ANKRD13C: variants seen among roughly 807,000 people sequenced by gnomAD.
ANKRD13C encodes the protein ankyrin repeat domain-containing protein 13C.
ANKRD13C carries 16 observed loss-of-function variants against 65.5 expected under a neutral mutation model. The ratio of observed to expected loss-of-function variants is 0.24; its 90% CI spans 0.17 to 0.37. ANKRD13C has a LOEUF of 0.37. Ranked by LOEUF, ANKRD13C falls within the 10% of genes least tolerant of loss-of-function variation. The pLI, the probability that ANKRD13C is intolerant of heterozygous loss-of-function variation, is 1.00. For synonymous variants in ANKRD13C, 235 were observed against 238.7 expected (o/e 0.98, Z 0.14); for missense variants, 503 against 655.9 (o/e 0.77, Z 2.55).
intron 9 of ANKRD13C, among the ~76,000 whole-genome samples, chr1:70,291,103 G>C (rs978345734): frequency 2.0e-5 from 3 of 151,760 alleles, no homozygotes; most frequent in Admixed American, 2.0e-4. Flanking sequence ...CGCAATCTCA[G>C]CTCCACAACC....
In ANKRD13C at chr1:70,259,352, T is replaced by C. The variant is rs937126605; in HGVS notation, c.*3365A>G. On this transcript the variant is annotated 3_prime_UTR_variant, in exon 13 of 13. Coordinates refer to ENST00000370944, the MANE Select transcript of ANKRD13C (RefSeq NM_030816.5). Reference sequence around the variant, plus strand: ...TAACAAGCACCTTTCTTAGAAGTTCTTAAGATTTTGCTTCAATATTTTTCA... The same window carrying C: ...TAACAAGCACCTTTCTTAGAAGTTCCTAAGATTTTGCTTCAATATTTTTCA... Among the ~76,000 whole-genome samples the C allele has an allele frequency of 2.0e-5, 3 of 152,220 alleles. No homozygotes were observed. Among genetic ancestry groups the C allele is most frequent in the Admixed American group, 1.3e-4 (2 of 15,278 alleles).
intron 3 of ANKRD13C, among the ~76,000 whole-genome samples, chr1:70,319,383 A>G (rs1171337827): frequency 1.3e-5 from 2 of 152,082 alleles, no homozygotes; most frequent in African/African-American, 4.8e-5. Context: ...AGCCGGGTGG[A>G]TTGCCTGAGG....
intron 3 of ANKRD13C, among the ~76,000 whole-genome samples, chr1:70,317,149 C>T (rs745735224): frequency 2.0e-5 from 3 of 151,906 alleles, no homozygotes; most frequent in African/African-American, 4.8e-5. Context: ...TTTTTAACCA[C>T]AGGTCTAACT....
intron 12 of ANKRD13C, among the ~76,000 whole-genome samples, 172 bp from the exon 13 acceptor site, chr1:70,263,019 G>GT (rs1169740717): frequency 8.6e-5 from 13 of 151,448 alleles, no homozygotes; most frequent in African/African-American, 3.2e-4. Flanking sequence ...TTCAGGGAGA[G>GT]TTCTGGGTAT....
intron 1 of ANKRD13C, among the ~76,000 whole-genome samples, chr1:70,343,463 C>T (rs1459658961): frequency 1.3e-5 from 2 of 152,206 alleles, no homozygotes; most frequent in Non-Finnish European, 1.5e-5. Context: ...TGAAATTGAA[C>T]ACCTTCATTC....
chr1:70,281,173 C>T lies in ANKRD13C; in HGVS notation c.1216-4329G>A, dbSNP rs72929244. 6.3e-3 allele frequency among the ~76,000 whole-genome samples: 956 copies of T among 152,020 alleles called. 8 individuals are homozygous for T. The highest frequency in any genetic ancestry group is 0.022 in the African/African-American group (892 of 41,446). On this transcript the variant is annotated intron_variant, in intron 9 of 12. Coordinates refer to ENST00000370944, the MANE Select transcript of ANKRD13C (RefSeq NM_030816.5). ...AAGCACTATAGATGTGGTGATATGA[C>T]GGAAGAATAGAGTTAAAGGTATATA...
In ANKRD13C at chr1:70,342,984, A is replaced by G. The variant is rs1682380756; in HGVS notation, c.431-6885T>C. Among the ~76,000 whole-genome samples the G allele has an allele frequency of 2.6e-5, 4 of 152,168 alleles. No individual in the cohort carries two copies. In the South Asian group the frequency reaches 6.2e-4, roughly 24 times the overall value. ...GAAGTCAAGGTGGCCGTGCTCCTGG[A>G]TAATTATCCTTTGTTTTCTTAACCC... On this transcript the variant is annotated intron_variant, in intron 1 of 12. Coordinates refer to ENST00000370944, the MANE Select transcript of ANKRD13C (RefSeq NM_030816.5).
intron 3 of ANKRD13C, among the ~76,000 whole-genome samples, chr1:70,317,612 A>G (rs542822597): frequency 2.0e-5 from 3 of 152,320 alleles, no homozygotes; most frequent in Admixed American, 6.5e-5. Flanking sequence ...CTGAGAATCA[A>G]TGACTTAGAT....
chr1:70,316,649 CT>C (rs1466849029), intron 3 of ANKRD13C, among the ~76,000 whole-genome samples: 32 of 152,020 alleles, frequency 2.1e-4, no homozygotes, highest in African/African-American at 6.5e-4. Context: ...GACCACTGCA[CT>C]CCAGCCTGGG....
intron 9 of ANKRD13C, among the ~76,000 whole-genome samples, chr1:70,282,644 G>A (rs1033703476): frequency 1.3e-5 from 2 of 152,160 alleles, no homozygotes; most frequent in Admixed American, 6.5e-5. Context: ...GTAGAATGAC[G>A]AAGAGGCTTA....
chr1:70,295,299 G>C (rs1368528654), intron 8 of ANKRD13C, among the ~76,000 whole-genome samples: 15 of 151,588 alleles, frequency 9.9e-5, no homozygotes, highest in Non-Finnish European at 1.5e-5. Flanking sequence ...TCAGGCTGGA[G>C]TGCAGTGGTG....
chr1:70,288,537 T>C (rs1380738770), intron 9 of ANKRD13C, among the ~76,000 whole-genome samples: 1 of 152,176 alleles, frequency 6.6e-6, no homozygotes, highest in African/African-American at 2.4e-5. Flanking sequence ...ACTAATACCA[T>C]GAAATACTAC....
intron 8 of ANKRD13C, among the ~76,000 whole-genome samples, chr1:70,294,145 C>A (rs1415013612): frequency 5.3e-5 from 8 of 151,922 alleles, no homozygotes; most frequent in African/African-American, 1.7e-4. Context: ...AAGCCAGCTG[C>A]AAAACAGTAG....
At chr1:70,308,596 A>T (rs1157559698) in intron 5 of ANKRD13C, among the ~76,000 whole-genome samples, 1 of 151,928 alleles carries the variant, frequency 6.6e-6, no homozygotes, top group African/African-American at 2.4e-5. Context: ...AAAATTAGCC[A>T]GGTGTGGTGG....
At chr1:70,312,256 G>A (rs116377916) in intron 5 of ANKRD13C, among the ~76,000 whole-genome samples, 63 of 152,204 alleles carry the variant, frequency 4.1e-4, no homozygotes, top group African/African-American at 1.5e-3. Flanking sequence ...TGTATTGTGA[G>A]AATATCATAA....
chr1:70,296,999 G>C (rs967760250), intron 7 of ANKRD13C, among the ~76,000 whole-genome samples: 2 of 152,092 alleles, frequency 1.3e-5, no homozygotes, highest in Non-Finnish European at 2.9e-5. Context: ...TTTTGTGCTT[G>C]CTTCAGGGAC....
At chr1:70,340,350 A>G (rs1682253693) in intron 1 of ANKRD13C, among the ~76,000 whole-genome samples, 1 of 152,158 alleles carries the variant, frequency 6.6e-6, no homozygotes, top group South Asian at 2.1e-4. Context: ...TTTTCCTAAT[A>G]TATCTACCTT....
chr1:70,314,385 AT>A (rs963598060), intron 4 of ANKRD13C, among the ~76,000 whole-genome samples: 87 of 145,942 alleles, frequency 6.0e-4, no homozygotes, highest in South Asian at 6.5e-4. Flanking sequence ...TGCCTGGCTA[AT>A]TTTTTTTTTT....
At chr1:70,291,776 C>T (rs1015914212) in intron 9 of ANKRD13C, among the ~76,000 whole-genome samples, 2 of 151,954 alleles carry the variant, frequency 1.3e-5, no homozygotes, top group Non-Finnish European at 2.9e-5. Flanking sequence ...CACTGCACTC[C>T]AGCCTGGGCG....
Sources: gnomAD v4.1 joint callset for allele counts (sites outside exome capture counted in the v4.1 genomes callset) on GRCh38, gnomAD v4.1.1 for gene constraint, MANE v1.5 for transcripts, NCBI Gene and HGNC (gene_info 2026-07-23, HGNC 2026-07-21) for gene names.